Variants in EPHA5 observed in about 807,000 individuals in gnomAD.
EPHA5 encodes ephrin type-A receptor 5.
Under a neutral mutation model 105.0 loss-of-function variants are expected in EPHA5, and 60 were observed. The ratio of observed to expected loss-of-function variants is 0.57; its 90% CI spans 0.46 to 0.71. The LOEUF (loss-of-function observed/expected upper bound fraction) is 0.71. EPHA5 is among the 30% of genes least tolerant of loss of function. The probability of loss-of-function intolerance (pLI) is 0.00; values close to 1 mark genes in which losing one functional copy is unlikely to be tolerated. For missense variants in EPHA5, 1,218 were observed against 1,274.7 expected, an observed-to-expected ratio of 0.96 and a Z score of 0.68; for synonymous variants, 513 against 449.1, an observed-to-expected ratio of 1.14 and a Z score of -1.80.
In EPHA5 at chr4:65,661,381, T is replaced by C. The variant is rs566149217; in HGVS notation, c.181+8181A>G. 4.6e-5 allele frequency among the ~76,000 whole-genome samples: 7 copies of C among 152,202 alleles called. No homozygotes were observed. The South Asian group carries it at 1.2e-3, about 27-fold the overall frequency. ...CTTCAAATCTGCATGATTAAGGTAA[T>C]TTTGTTGTTGTTATTGTTGCCTTCC... On this transcript the variant is annotated intron_variant, in intron 1 of 16. Coordinates refer to ENST00000613740, the MANE Select transcript of EPHA5 (RefSeq NM_001281766.3).
intron 8 of EPHA5, among the ~76,000 whole-genome samples, chr4:65,373,033 G>A (rs1718644423): frequency 6.6e-6 from 1 of 151,820 alleles, no homozygotes; most frequent in Non-Finnish European, 1.5e-5. Context: ...TTAATAAAGT[G>A]TGACCTATGA....
chr4:65,635,493 C>T (rs756572224), intron 2 of EPHA5, among the ~76,000 whole-genome samples: 1 of 152,054 alleles, frequency 6.6e-6, no homozygotes, highest in Non-Finnish European at 1.5e-5. Context: ...GTGGTTTCCC[C>T]ATTGTGTGCT....
chr4:65,614,329 G>C (rs1745036013), intron 2 of EPHA5, among the ~76,000 whole-genome samples: 1 of 151,710 alleles, frequency 6.6e-6, no homozygotes, highest in Admixed American at 6.6e-5. Flanking sequence ...AACATACATA[G>C]AGCAAATGCA....
At chr4:65,331,544 TATTC>T in intron 16 of EPHA5, 5 of 1,055,750 alleles carry the variant, frequency 4.7e-6, no homozygotes, top group Non-Finnish European at 5.7e-6. Flanking sequence ...GTTACCTTGA[TATTC>T]ATCGTAGAGA....
At chr4:65,630,576 T>C (rs1347736599) in intron 2 of EPHA5, among the ~76,000 whole-genome samples, 1 of 152,202 alleles carries the variant, frequency 6.6e-6, no homozygotes, top group Non-Finnish European at 1.5e-5. Flanking sequence ...TGCTTGGCCC[T>C]CTTCCACGTG....
intron 8 of EPHA5, among the ~76,000 whole-genome samples, chr4:65,385,811 T>C (rs1181135728): frequency 6.6e-6 from 1 of 151,786 alleles, no homozygotes; most frequent in Non-Finnish European, 1.5e-5. Flanking sequence ...CAACAGGAAT[T>C]TACCTGACCA....
intron 1 of EPHA5, among the ~76,000 whole-genome samples, chr4:65,647,058 G>A (rs970892758): frequency 6.6e-6 from 1 of 152,086 alleles, no homozygotes; most frequent in African/African-American, 2.4e-5. Context: ...GCCAGGCATG[G>A]TGGCTCACGC....
chr4:65,399,130 T>A (rs1418696032), intron 8 of EPHA5, among the ~76,000 whole-genome samples: 1 of 152,140 alleles, frequency 6.6e-6, no homozygotes, highest in Non-Finnish European at 1.5e-5. Context: ...GGCTTTGCAG[T>A]TTCTGGCATT....
chr4:65,422,416 G>T (rs1367137335), intron 5 of EPHA5, among the ~76,000 whole-genome samples: 1 of 152,050 alleles, frequency 6.6e-6, no homozygotes, highest in Admixed American at 6.6e-5. Context: ...TATCTTATTT[G>T]TCTCCCTCAC....
intron 5 of EPHA5, among the ~76,000 whole-genome samples, chr4:65,431,140 C>T (rs933895150): frequency 2.0e-5 from 3 of 152,072 alleles, no homozygotes; most frequent in Admixed American, 6.6e-5. Context: ...ATCCTCACAA[C>T]GATTAACGGT....
chr4:65,630,528 G>C (rs1746536744), intron 2 of EPHA5, among the ~76,000 whole-genome samples: 1 of 152,164 alleles, frequency 6.6e-6, no homozygotes, highest in South Asian at 2.1e-4. Context: ...CAAGTCAAAG[G>C]TCATCAGTGC....
intron 3 of EPHA5, among the ~76,000 whole-genome samples, chr4:65,497,730 T>C (rs746304961): frequency 2.6e-5 from 4 of 152,040 alleles, no homozygotes; most frequent in Non-Finnish European, 5.9e-5. Flanking sequence ...AAACACTTTA[T>C]ATTATATCAC....
chr4:65,494,415 C>A (rs1374908107), intron 4 of EPHA5, among the ~76,000 whole-genome samples: 3 of 152,100 alleles, frequency 2.0e-5, no homozygotes, highest in African/African-American at 7.2e-5. Context: ...AATAGTAAAT[C>A]CAGGCAGTTC....
At position 65,377,022 on chromosome 4, in the gene EPHA5, GCGCACAGGGAAGAAGCCC is replaced by G; in HGVS notation, c.1794-9616_1794-9599del. 3 of 1,609,392 alleles carry G rather than the reference GCGCACAGGGAAGAAGCCC, an allele frequency of 1.9e-6. No homozygotes were observed. The African/African-American group carries it at 4.0e-5, about 22-fold the overall frequency. On this transcript the variant is annotated intron_variant, in intron 8 of 16. Coordinates refer to ENST00000613740, the MANE Select transcript of EPHA5 (RefSeq NM_001281766.3). Reference sequence around the variant, plus strand: ...CCATATTAGGCTTGGATGGGCAACAGCGCACAGGGAAGAAGCCCTCCCACAGCCACATTCGCAGCAACT... The same window carrying G: ...CCATATTAGGCTTGGATGGGCAACAGTCCCACAGCCACATTCGCAGCAACT...
intron 6 of EPHA5, among the ~76,000 whole-genome samples, chr4:65,415,588 T>A (rs1309402462): frequency 6.6e-6 from 1 of 152,036 alleles, no homozygotes; most frequent in Non-Finnish European, 1.5e-5. Flanking sequence ...ATGGTATAAT[T>A]TATAAGCCAA....
At chr4:65,484,038 T>C (rs12647493) in intron 5 of EPHA5, among the ~76,000 whole-genome samples, 144,833 of 152,272 alleles carry the variant, frequency 0.95, 69,030 homozygotes, top group East Asian at 1. Flanking sequence ...TACCTTTAAT[T>C]AGGTGGTGGT....
intron 13 of EPHA5, 142 bp from the exon 14 acceptor site, chr4:65,348,345 T>C (rs749234981): frequency 1.8e-5 from 13 of 723,744 alleles, no homozygotes; most frequent in Non-Finnish European, 2.9e-5. Flanking sequence ...TTTTCAAATC[T>C]CTCAGCCCAT....
chr4:65,601,695 T>C lies in EPHA5; in HGVS notation c.856A>G (p.Ile286Val). The change falls in exon 3 of 17, where the codon ATC (isoleucine) becomes GTC (valine). Residue 286 changes from isoleucine (I) to valine (V), a missense_variant. Around this residue, in one of 3 missense-constraint regions of EPHA5, gnomAD observed 971 missense variants for 1,013.5 expected, o/e 0.96. Coordinates refer to ENST00000613740, the MANE Select transcript of EPHA5 (RefSeq NM_001281766.3). ...CSAEGEWLVP[I>V]GKCMCKAGYE... ...CCTGCCTTGCACATGCATTTCCCGA[T>C]GGGCACCAGCCACTCCCCTTCGGCG... 5 of 1,614,096 alleles carry C rather than the reference T, an allele frequency of 3.1e-6. No individual in the cohort carries two copies. Among genetic ancestry groups the C allele is most frequent in the Non-Finnish European group, 4.2e-6 (5 of 1,179,986 alleles).
intron 8 of EPHA5, among the ~76,000 whole-genome samples, chr4:65,386,869 G>T (rs1192402468): frequency 3.3e-5 from 5 of 151,542 alleles, no homozygotes; most frequent in Admixed American, 3.3e-4. Flanking sequence ...TAAGAATTAA[G>T]AAATGCCTAC....
Sources: gnomAD v4.1 joint callset for allele counts (sites outside exome capture counted in the v4.1 genomes callset) on GRCh38, gnomAD v4.1.1 for gene constraint, gnomAD v4.1.1 regional missense constraint, MANE v1.5 for transcripts, NCBI Gene and HGNC (gene_info 2026-07-23, HGNC 2026-07-21) for gene names.